The following SEC16B variants were observed in gnomAD, a reference collection of about 807,000 sequenced individuals.
The protein encoded by SEC16B is protein transport protein Sec16B.
Under a neutral mutation model 141.8 loss-of-function variants are expected in SEC16B, and 115 were observed. The ratio of observed to expected loss-of-function variants is 0.81; its 90% CI spans 0.70 to 0.95. The LOEUF (loss-of-function observed/expected upper bound fraction) is 0.95, where lower values mean the gene tolerates loss of function less well. SEC16B is among the 40% of genes least tolerant of loss of function. The probability of loss-of-function intolerance (pLI) is 0.00; values close to 1 mark genes in which losing one functional copy is unlikely to be tolerated. For synonymous variants in SEC16B, 493 were observed against 492.5 expected (o/e 1.00, Z -0.01); for missense variants, 1,291 against 1,312.3 (o/e 0.98, Z 0.25).
At chr1:177,955,702 T>C (rs1652548751) in intron 10 of SEC16B, among the ~76,000 whole-genome samples, 1 of 152,230 alleles carries the variant, frequency 6.6e-6, no homozygotes, top group Admixed American at 6.5e-5. Context: ...GGTGAGAATG[T>C]ATGAAAACAG....
rs1168557907 is a variant in SEC16B at position 177,930,679 on chromosome 1, C to T, written c.3013-36G>A. 3 of 1,491,150 alleles carry T rather than the reference C, an allele frequency of 2.0e-6. No homozygotes were observed. The South Asian group carries it at 3.5e-5, about 17-fold the overall frequency. 92.4% of individuals were successfully genotyped at this position (1,491,150 alleles called of 1,614,324 possible). Reference sequence around the variant, plus strand: ...AAAGCATGGAAAATCCCATCAGTGCCTGCCTCCCAGATTCCAGAATGTCGA... The same window carrying T: ...AAAGCATGGAAAATCCCATCAGTGCTTGCCTCCCAGATTCCAGAATGTCGA... On this transcript the variant is annotated intron_variant, in intron 24 of 25. Transcript: ENST00000308284.
Position 177,930,564 on chromosome 1 carries a change from T to G in SEC16B, c.3092A>C (p.Asn1031Thr), listed in dbSNP as rs77277070. 4 of 1,613,448 alleles carry G rather than the reference T, an allele frequency of 2.5e-6. No individual in the cohort carries two copies. Among genetic ancestry groups the G allele is most frequent in the South Asian group, 1.1e-5 (1 of 90,930 alleles). The change falls in exon 25 of 26, where the codon AAC becomes ACC. Residue 1031 changes from asparagine (N) to threonine (T), a missense_variant. Transcript: ENST00000308284. Reference sequence around the variant, plus strand: ...CCTTACCTGAGGCACCTGAGATGGGTTGTAAAGAGGAACAGCCCCTTTTAA... The same window carrying G: ...CCTTACCTGAGGCACCTGAGATGGGGTGTAAAGAGGAACAGCCCCTTTTAA... ...PALKGAVPLY[N>T]PSQVPQLPTA...
At chr1:177,949,948 C>A (rs181181793) in intron 12 of SEC16B, among the ~76,000 whole-genome samples, 24 of 148,732 alleles carry the variant, frequency 1.6e-4, no homozygotes, top group Non-Finnish European at 1.9e-4. Flanking sequence ...TCTACTATTA[C>A]AAAAAAAAAA....
rs552481594 is a variant in SEC16B, at chr1:177,929,517, T to C, written c.*341A>G. Reference sequence around the variant, plus strand: ...CTTGCTACAGGGCCCTGCGGTATCATCTTTGATTCTAGCTGTTAGGGCCCT... The same window carrying C: ...CTTGCTACAGGGCCCTGCGGTATCACCTTTGATTCTAGCTGTTAGGGCCCT... On this transcript the variant is annotated 3_prime_UTR_variant, in exon 26 of 26. Transcript: ENST00000308284. The C allele has an allele frequency of 3.2e-6, 1 of 311,684 alleles. No individual in the cohort carries two copies. The highest frequency in any genetic ancestry group is 6.9e-5 in the East Asian group (1 of 14,550). The allele number at this position is 311,684 out of a possible 1,614,324, so 19.3% of individuals were successfully genotyped here.
intron 18 of SEC16B, 113 bp from the exon 19 acceptor site, chr1:177,937,626 G>C (rs951124768): frequency 2.2e-6 from 2 of 924,518 alleles, no homozygotes; most frequent in Admixed American, 3.0e-5. Flanking sequence ...TCACAAGGAC[G>C]AGCTGTCTAA....
At chr1:177,966,209 T>C (rs41267160) in intron 2 of SEC16B, among the ~76,000 whole-genome samples, 7,436 of 152,300 alleles carry the variant, frequency 0.049, 230 homozygotes, top group Middle Eastern at 0.088. Flanking sequence ...AGGAGTAGAA[T>C]TTTTATAGTA....
chr1:177,930,662 G>A lies in SEC16B; in HGVS notation c.3013-19C>T, dbSNP rs774146514. On this transcript the variant is annotated intron_variant, in intron 24 of 25. Coordinates refer to ENST00000308284, the MANE Select transcript of SEC16B (RefSeq NM_033127.4). ...AAACACTCTGTGATGGAAAAGCATG[G>A]AAAATCCCATCAGTGCCTGCCTCCC... is the stretch of plus-strand genomic sequence containing the variant. The A allele has an allele frequency of 1.3e-6, 2 of 1,586,528 alleles. No homozygotes were observed. The highest frequency in any genetic ancestry group is 1.7e-6 in the Non-Finnish European group (2 of 1,156,456).
chr1:177,967,591 G>A (rs762979016), intron 2 of SEC16B, 92 bp downstream of exon 2: 1 of 1,300,598 alleles, frequency 7.7e-7, no homozygotes, highest in Non-Finnish European at 1.0e-6. Flanking sequence ...AAAAAAGGGG[G>A]AGAAAAATAA....
intron 20 of SEC16B, among the ~76,000 whole-genome samples, chr1:177,935,313 C>G (rs1650753118): frequency 6.6e-6 from 1 of 152,104 alleles, no homozygotes; most frequent in Non-Finnish European, 1.5e-5. Context: ...TGTAGGAACT[C>G]AGTGAATATT....
Position 177,965,152 on chromosome 1 carries a change from C to A in SEC16B, c.428G>T (p.Ser143Ile), listed in dbSNP as rs1436835786. 1.9e-6 allele frequency: 3 copies of A among 1,613,456 alleles called. No individual in the cohort carries two copies. The highest frequency in any genetic ancestry group is 1.1e-5 in the South Asian group (1 of 90,944). ...LQEERVPRQRSPYIWHEDYRE... is the reference protein window; with the variant it reads ...LQEERVPRQRIPYIWHEDYRE... ...GTAATCTTCGTGCCAGATATAAGGA[C>A]TCCGTTGCCTTGGCACTGCACCCTC... Residue 143 changes from serine (S) to isoleucine (I), a missense_variant, in exon 4 of 26, where the codon AGT (serine) becomes ATT (isoleucine). Ser to Ile is a moderately radical substitution (Grantham distance 142). This residue lies in a region of SEC16B where 681 missense variants were observed against 675.5 expected (regional missense o/e 1.01). Coordinates refer to ENST00000308284, the MANE Select transcript of SEC16B (RefSeq NM_033127.4).
At chr1:177,967,224 C>T (rs531744903) in intron 2 of SEC16B, among the ~76,000 whole-genome samples, 4 of 152,298 alleles carry the variant, frequency 2.6e-5, no homozygotes, top group Middle Eastern at 3.4e-3. Flanking sequence ...CTGTCGTAGG[C>T]ACTAGGACTC....
rs561954343 is a variant in SEC16B, at chr1:177,930,702, C to T, written c.3013-59G>A. The T allele has an allele frequency of 2.4e-5, 30 of 1,270,232 alleles. 2 individuals are homozygous for T. In the South Asian group the frequency reaches 2.8e-4, roughly 12 times the overall value. The allele number at this position is 1,270,232 out of a possible 1,614,324, so 78.7% of individuals were successfully genotyped here. A position where few individuals can be genotyped will look rare whatever the true frequency, so the allele number is the denominator to read the frequency against. On this transcript the variant is annotated intron_variant, in intron 24 of 25. Transcript: ENST00000308284. The stretch of plus-strand genomic sequence containing the variant: ...GCCTGCCTCCCAGATTCCAGAATGT[C>T]GAGGCCTTCAAGAAGCATATCAGGA...
rs769288527 is a variant in SEC16B at position 177,960,769 on chromosome 1, AG to A, written c.936+21del. On this transcript the variant is annotated intron_variant, in intron 7 of 25. Transcript: ENST00000308284. Reference sequence around the variant, plus strand: ...TGGGTAAGCAGTGTGCCAGCATTCCAGGGACACTGGGTCTTCTTTACCTCCA... The same window carrying A: ...TGGGTAAGCAGTGTGCCAGCATTCCAGGACACTGGGTCTTCTTTACCTCCA... 2.5e-6 allele frequency: 4 copies of A among 1,593,122 alleles called. No individual in the cohort carries two copies. In the East Asian group the frequency reaches 9.1e-5, roughly 36 times the overall value.
chr1:177,960,640 C>T (rs1652984986), intron 7 of SEC16B, 151 bp downstream of exon 7: 3 of 849,674 alleles, frequency 3.5e-6, no homozygotes, highest in Non-Finnish European at 5.5e-6. Flanking sequence ...CCTGCACCCT[C>T]CTAATCCAGG....
Position 177,947,851 on chromosome 1 carries a change from G to C in SEC16B, c.1637C>G (p.Ala546Gly). Residue 546 changes from alanine to glycine, a missense_variant, in exon 13 of 26, where the codon GCG becomes GGG. By Grantham distance (60) the Ala-to-Gly change is moderately conservative (BLOSUM62 0). Around this residue, in one of 3 missense-constraint regions of SEC16B, gnomAD observed 681 missense variants for 675.5 expected, o/e 1.01. Transcript: ENST00000308284. ...QAGDPELYQR[A>G]IVAIGDTLAG... ...CAGGGTGTCCCCAATGGCAACAATC[G>C]CACGCTGATACAGCTCTGGGTCCCC... 2 of 1,557,100 alleles carry C rather than the reference G, an allele frequency of 1.3e-6. No individual in the cohort carries two copies. The highest frequency in any genetic ancestry group is 1.7e-6 in the Non-Finnish European group (2 of 1,150,928).
chr1:177,955,133 A>G (rs969137502), intron 10 of SEC16B, among the ~76,000 whole-genome samples: 4 of 152,250 alleles, frequency 2.6e-5, no homozygotes, highest in Admixed American at 6.5e-5. Context: ...AAAAATTCAC[A>G]GATTAAAAAA....
chr1:177,981,760 CT>C (rs1654425726), intron 1 of SEC16B, among the ~76,000 whole-genome samples: 1 of 152,108 alleles, frequency 6.6e-6, no homozygotes, highest in East Asian at 1.9e-4. Flanking sequence ...GTTGAGGTGC[CT>C]GCAGGACAAT....
intron 2 of SEC16B, among the ~76,000 whole-genome samples, chr1:177,966,912 CT>C (rs1380742290): frequency 6.6e-6 from 1 of 152,096 alleles, no homozygotes; most frequent in Non-Finnish European, 1.5e-5. Context: ...GGATAAATTT[CT>C]TTATAATAAT....
intron 8 of SEC16B, chr1:177,959,358 G>T (rs954758133): frequency 7.9e-5 from 21 of 264,934 alleles, no homozygotes; most frequent in African/African-American, 4.2e-4. Flanking sequence ...CTAAAATAGG[G>T]ACAGTAAAAG....
Sources: allele counts gnomAD v4.1 joint callset (sites outside exome capture counted in the v4.1 genomes callset), GRCh38; gene constraint gnomAD v4.1.1; regional missense constraint gnomAD v4.1.1; transcripts MANE v1.5; gene names NCBI Gene and HGNC (gene_info 2026-07-23, HGNC 2026-07-21).